NT5E: variants seen among roughly 807,000 people sequenced by gnomAD.
NT5E encodes 5'-nucleotidase.
In NT5E, 53 loss-of-function variants were observed where a neutral mutation model predicts 55.1. The observed-to-expected ratio is 0.96, with a 90% CI of 0.77 to 1.21. The LOEUF (loss-of-function observed/expected upper bound fraction) is 1.21. NT5E is among the 50% of genes most tolerant of loss of function. NT5E has a pLI of 0.00. For synonymous variants in NT5E, 270 were observed against 278.4 expected (o/e 0.97, Z 0.30); for missense variants, 683 against 724.3 (o/e 0.94, Z 0.65).
At position 85,487,484 on chromosome 6, in the gene NT5E, G is replaced by T; in HGVS notation, c.1099G>T (p.Ala367Ser). 6.2e-7 allele frequency: 1 copy of T among 1,614,182 alleles called. No individual in the cohort carries two copies. The highest frequency in any genetic ancestry group is 8.5e-7 in the Non-Finnish European group (1 of 1,180,024). ...CAACATGGGCAACCTGATTTGTGAT[G>T]CAATGGTAAGTCATCAGCAGGAGTG... ...ECNMGNLICD[A>S]MINNNLRHTD... is the part of the protein sequence containing the mutation. Residue 367 changes from alanine to serine, a missense_variant, in exon 5 of 9, where the codon GCA (alanine) becomes TCA (serine). Transcript: ENST00000257770.
chr6:85,466,169 T>TC (rs911235669), intron 1 of NT5E, among the ~76,000 whole-genome samples: 16 of 151,272 alleles, frequency 1.1e-4, no homozygotes, highest in East Asian at 3.9e-4. Context: ...TTCCCTCCAC[T>TC]CCCCCCCAGC....
At chr6:85,458,320 G>A (rs999002864) in intron 1 of NT5E, among the ~76,000 whole-genome samples, 13 of 152,216 alleles carry the variant, frequency 8.5e-5, no homozygotes, top group African/African-American at 3.1e-4. Flanking sequence ...CAACCTCAGA[G>A]ACAGGAACAG....
intron 3 of NT5E, among the ~76,000 whole-genome samples, chr6:85,482,297 C>T (rs1259668135): frequency 1.3e-5 from 2 of 150,366 alleles, no homozygotes; most frequent in Non-Finnish European, 2.9e-5. Context: ...GAATTGGAGA[C>T]CACTGAACTC....
chr6:85,455,469 G>T (rs950702076), intron 1 of NT5E, among the ~76,000 whole-genome samples: 5 of 152,190 alleles, frequency 3.3e-5, no homozygotes, highest in African/African-American at 1.2e-4. Flanking sequence ...GCATTTGGAG[G>T]TTCCTGGAGG....
At chr6:85,461,444 G>A (rs112290255) in intron 1 of NT5E, among the ~76,000 whole-genome samples, 17 of 152,260 alleles carry the variant, frequency 1.1e-4, no homozygotes, top group African/African-American at 3.1e-4. Context: ...AAAAGCAAGC[G>A]AGCCACAAAG....
chr6:85,477,251 A>T (rs939922228), intron 3 of NT5E, among the ~76,000 whole-genome samples: 2 of 152,104 alleles, frequency 1.3e-5, no homozygotes, highest in Non-Finnish European at 2.9e-5. Flanking sequence ...CGGCTGACAC[A>T]TGGAAGGCAG....
intron 3 of NT5E, among the ~76,000 whole-genome samples, chr6:85,476,013 CT>C (rs1769427573): frequency 6.6e-6 from 1 of 152,146 alleles, no homozygotes; most frequent in Non-Finnish European, 1.5e-5. Context: ...AGGCTCAGAC[CT>C]TCTGTCCCCT....
At chr6:85,493,725 G>T in intron 8 of NT5E, 116 bp from the exon 9 acceptor site, 1 of 816,192 alleles carries the variant, frequency 1.2e-6, no homozygotes, top group Non-Finnish European at 2.0e-6. Flanking sequence ...CTTGTCTTCT[G>T]TGACACTTTA....
chr6:85,493,965 T>C lies in NT5E; in HGVS notation c.1686T>C (p.Phe562=). ...SHCHGSFSLI[F]LSLWAVIFVL... ...GCCATGGAAGCTTTTCTTTAATATT[T>C]CTTTCACTTTGGGCAGTGATCTTTG... is the stretch of plus-strand genomic sequence containing the variant. Residue 562 remains phenylalanine, a synonymous_variant, in exon 9 of 9, where the codon TTT becomes TTC. Transcript: ENST00000257770. 6.2e-7 allele frequency: 1 copy of C among 1,614,118 alleles called. No individual in the cohort carries two copies. The highest frequency in any genetic ancestry group is 8.5e-7 in the Non-Finnish European group (1 of 1,179,992).
intron 1 of NT5E, among the ~76,000 whole-genome samples, chr6:85,460,683 A>G (rs1264818692): frequency 6.6e-6 from 1 of 151,998 alleles, no homozygotes; most frequent in African/African-American, 2.4e-5. Context: ...AAGAGCTGCC[A>G]CTTCTCCATT....
intron 2 of NT5E, among the ~76,000 whole-genome samples, chr6:85,470,885 G>T (rs1049100814): frequency 2.0e-5 from 3 of 152,216 alleles, no homozygotes; most frequent in African/African-American, 7.2e-5. Flanking sequence ...ATACTCTTTT[G>T]TGTATCATGC....
chr6:85,489,459 A>G, intron 5 of NT5E, 35 bp from the exon 6 acceptor site: 2 of 1,450,024 alleles, frequency 1.4e-6, no homozygotes, highest in East Asian at 2.3e-5. Context: ...AAGAAGAGCC[A>G]GAGTAACTAG....
chr6:85,479,837 TTTG>T (rs1445376337), intron 3 of NT5E, among the ~76,000 whole-genome samples: 1 of 152,152 alleles, frequency 6.6e-6, no homozygotes, highest in Non-Finnish European at 1.5e-5. Context: ...TTCGATTATT[TTTG>T]TTTTCTTATT....
rs1301180769 is a variant in NT5E, at chr6:85,467,211, T to C, written c.491T>C (p.Leu164Pro). The C allele has an allele frequency of 6.2e-7, 1 of 1,614,074 alleles. No homozygotes were observed. The highest frequency in any genetic ancestry group is 1.3e-5 in the African/African-American group (1 of 74,944). ...GGACTTTATTTGCCATATAAAGTTCTTCCTGTTGGTGATGAAGTTGTGGGA... is the reference window on the plus strand; with the variant it reads ...GGACTTTATTTGCCATATAAAGTTCCTCCTGTTGGTGATGAAGTTGTGGGA... ...ISGLYLPYKV[L>P]PVGDEVVGIV... The change falls in exon 2 of 9, where the codon CTT becomes CCT. Residue 164 changes from leucine (L) to proline (P), a missense_variant. Leu to Pro is a moderately conservative substitution (Grantham distance 98, BLOSUM62 -3). Transcript: ENST00000257770.
intron 4 of NT5E, among the ~76,000 whole-genome samples, chr6:85,486,917 G>A (rs1030559772): frequency 2.6e-5 from 4 of 152,206 alleles, no homozygotes; most frequent in African/African-American, 9.6e-5. Flanking sequence ...GCACCCAGGT[G>A]AGCCTGTAGT....
chr6:85,487,471 C>G lies in NT5E; in HGVS notation c.1086C>G (p.Asn362Lys). The G allele has an allele frequency of 6.2e-7, 1 of 1,614,082 alleles. No individual in the cohort carries two copies. Among genetic ancestry groups the G allele is most frequent in the Non-Finnish European group, 8.5e-7 (1 of 1,179,998 alleles). Residue 362 changes from asparagine to lysine, a missense_variant, in exon 5 of 9, where the codon AAC becomes AAG. By Grantham distance (94) the Asn-to-Lys change is moderately conservative. Transcript: ENST00000257770. ...GCTTTAGAGAATGCAACATGGGCAACCTGATTTGTGATGCAATGGTAAGTC... is the reference window on the plus strand; with the variant it reads ...GCTTTAGAGAATGCAACATGGGCAAGCTGATTTGTGATGCAATGGTAAGTC... ...SCRFRECNMG[N>K]LICDAMINNN...
chr6:85,465,481 G>T (rs184674178), intron 1 of NT5E, among the ~76,000 whole-genome samples: 1 of 152,120 alleles, frequency 6.6e-6, no homozygotes, highest in East Asian at 1.9e-4. Context: ...AATTACCCAA[G>T]CCTGCAACAA....
chr6:85,493,478 C>T (rs1769829589), intron 8 of NT5E, among the ~76,000 whole-genome samples: 1 of 152,112 alleles, frequency 6.6e-6, no homozygotes, highest in Non-Finnish European at 1.5e-5. Flanking sequence ...AATTATTGGG[C>T]AGGCAAACAA....
chr6:85,491,866 C>G, intron 7 of NT5E, 111 bp from the exon 8 acceptor site: 1 of 955,614 alleles, frequency 1.0e-6, no homozygotes, highest in South Asian at 1.3e-5. Flanking sequence ...CAGGTTTAAA[C>G]CAAAGGAAAA....
Sources: gnomAD v4.1 joint callset for allele counts (sites outside exome capture counted in the v4.1 genomes callset) on GRCh38, gnomAD v4.1.1 for gene constraint, MANE v1.5 for transcripts, NCBI Gene and HGNC (gene_info 2026-07-23, HGNC 2026-07-21) for gene names.